E2F4: variants seen among roughly 807,000 people sequenced by gnomAD.
E2F4 encodes the protein E2F transcription factor 4.
A neutral mutation model predicts 44.5 loss-of-function variants in E2F4; 16 were observed. That is an observed-to-expected ratio of 0.36 (90% CI 0.24 to 0.55). The LOEUF (loss-of-function observed/expected upper bound fraction) is 0.55, where lower values mean the gene tolerates loss of function less well. Among genes scored for constraint, E2F4 ranks in the 20% least tolerant of loss-of-function variants. E2F4 has a pLI of 0.87. For missense variants in E2F4, 473 were observed against 522.1 expected (o/e 0.91, Z 0.92); for synonymous variants, 242 against 207.2 (o/e 1.17, Z -1.44).
At chr16:67,197,482 A>G (rs760789136) in intron 7 of E2F4, 117 bp from the exon 8 acceptor site, 10 of 1,044,020 alleles carry the variant, frequency 9.6e-6, no homozygotes, top group Non-Finnish European at 1.5e-5. Context: ...CAGGACCTAC[A>G]TCTCCTTAGC....
rs1567689111 is a variant in E2F4 at position 67,197,596 on chromosome 16, C to T, written c.1034-3C>T. 1 of 1,614,140 alleles carries T rather than the reference C, an allele frequency of 6.2e-7. No individual in the cohort carries two copies. The highest frequency in any genetic ancestry group is 2.2e-5 in the East Asian group (1 of 44,876). On this transcript the variant is annotated splice_region_variant and splice_polypyrimidine_tract_variant and intron_variant, in intron 7 of 9. Transcript: ENST00000379378. ...CCCTGAGCATGGCTTTCTTGTTTTT[C>T]AGTTTTGGAACTCCCCAAAGAGCTG...
chr16:67,198,530 C>T lies in E2F4; in HGVS notation c.*407C>T. The T allele has an allele frequency of 4.7e-6, 1 of 214,064 alleles. No homozygotes were observed. The highest frequency in any genetic ancestry group is 9.5e-6 in the Non-Finnish European group (1 of 105,054). 13.3% of individuals were successfully genotyped at this position (214,064 alleles called of 1,614,324 possible). On this transcript the variant is annotated 3_prime_UTR_variant, in exon 10 of 10. Transcript: ENST00000379378. ...GGGAAGGGTGGGGTGGAACTGGGCA[C>T]ATGCCAGCACCACTTCTAGCTTCCT...
chr16:67,197,107 G>A (rs944114455), intron 7 of E2F4, among the ~76,000 whole-genome samples: 24 of 152,168 alleles, frequency 1.6e-4, no homozygotes, highest in Non-Finnish European at 3.1e-4. Context: ...GAACTCCTGA[G>A]CCTGGCATGT....
intron 1 of E2F4, 57 bp downstream of exon 1, chr16:67,192,419 A>G: frequency 7.1e-7 from 1 of 1,403,106 alleles, no homozygotes; most frequent in Non-Finnish European, 9.3e-7. Context: ...CTGGGCCGGT[A>G]GCGGGAACCC....
intron 1 of E2F4, 77 bp downstream of exon 1, chr16:67,192,439 C>T (rs1003918281): frequency 2.2e-6 from 3 of 1,391,114 alleles, no homozygotes; most frequent in African/African-American, 2.9e-5. Context: ...CCGGGGGCGG[C>T]CCAGCTGGGT....
At chr16:67,196,611 T>C (rs1395644722) in intron 7 of E2F4, among the ~76,000 whole-genome samples, 1 of 152,226 alleles carries the variant, frequency 6.6e-6, no homozygotes, top group Non-Finnish European at 1.5e-5. Context: ...TGGAGAGGGC[T>C]GCAGCTCTGG....
intron 7 of E2F4, 134 bp downstream of exon 7, chr16:67,196,140 T>G: frequency 7.5e-7 from 1 of 1,340,944 alleles, no homozygotes; most frequent in East Asian, 2.3e-5. Flanking sequence ...TGCCAGCACC[T>G]CTGGGTCAGT....
chr16:67,196,042 T>TC (rs767025605), intron 7 of E2F4, 36 bp downstream of exon 7: 312 of 1,610,930 alleles, frequency 1.9e-4, no homozygotes, highest in Non-Finnish European at 2.6e-4. Flanking sequence ...AGAGAGAGAG[T>TC]CTAGCCTCAG....
rs2033009775 is a variant in E2F4, at chr16:67,198,335, C to G, written c.*212C>G. ...CAGGGGAACAGGACTCAGCCCCCAT[C>G]ACCGTGGAGCCAAAGTGTTTGCTTC... On this transcript the variant is annotated 3_prime_UTR_variant, in exon 10 of 10. Coordinates refer to ENST00000379378, the MANE Select transcript of E2F4 (RefSeq NM_001950.4). The G allele has an allele frequency of 3.5e-6, 2 of 569,026 alleles. No individual in the cohort carries two copies. Among genetic ancestry groups the G allele is most frequent in the African/African-American group, 3.8e-5 (2 of 53,232 alleles). 35.2% of individuals were successfully genotyped at this position (569,026 alleles called of 1,614,324 possible).
intron 6 of E2F4, among the ~76,000 whole-genome samples, chr16:67,195,283 C>T (rs1372762662): frequency 1.3e-5 from 2 of 152,286 alleles, no homozygotes; most frequent in Admixed American, 6.5e-5. Flanking sequence ...TACAGGCGCC[C>T]ACCATGCGCA....
chr16:67,192,850 C>G lies in E2F4; in HGVS notation c.225C>G (p.Ser75=), dbSNP rs986660251. ...LEGIGLIEKK[S]KNSIQWKGVG... Reference sequence around the variant, plus strand: ...GTATCGGGCTAATCGAGAAAAAGTCCAAGAACAGCATCCAGTGGAAGTGAG... The same window carrying G: ...GTATCGGGCTAATCGAGAAAAAGTCGAAGAACAGCATCCAGTGGAAGTGAG... The change falls in exon 2 of 10, where the codon TCC becomes TCG. Residue 75 remains serine (S), a synonymous_variant. Transcript: ENST00000379378. 1 of 1,611,912 alleles carries G rather than the reference C, an allele frequency of 6.2e-7. No homozygotes were observed. The highest frequency in any genetic ancestry group is 8.5e-7 in the Non-Finnish European group (1 of 1,178,984).
chr16:67,196,147 C>A, intron 7 of E2F4, 141 bp downstream of exon 7: 1 of 1,290,580 alleles, frequency 7.7e-7, no homozygotes, highest in Non-Finnish European at 1.1e-6. Flanking sequence ...ACCTCTGGGT[C>A]AGTGCTGGTG....
At chr16:67,197,533 GC>G (rs892029995) in intron 7 of E2F4, 65 bp from the exon 8 acceptor site, 1 of 1,568,024 alleles carries the variant, frequency 6.4e-7, no homozygotes, top group Non-Finnish European at 8.8e-7. Flanking sequence ...ATCCGAGGAA[GC>G]CAGGGGGCTG....
intron 2 of E2F4, 30 bp downstream of exon 2, chr16:67,192,900 G>C: frequency 6.3e-7 from 1 of 1,588,812 alleles, no homozygotes; most frequent in East Asian, 2.3e-5. Flanking sequence ...GGGTAGTAGA[G>C]TCTCCCACCC....
chr16:67,194,322 C>T (rs2032933074), intron 4 of E2F4, 76 bp from the exon 5 acceptor site: 1 of 1,522,848 alleles, frequency 6.6e-7, no homozygotes, highest in Non-Finnish European at 9.1e-7. Context: ...TCCTGCCTTG[C>T]TCCAAAAGGC....
intron 6 of E2F4, among the ~76,000 whole-genome samples, 197 bp downstream of exon 6, chr16:67,195,177 G>A (rs1413543280): frequency 9.2e-5 from 14 of 152,198 alleles, no homozygotes; most frequent in Non-Finnish European, 1.8e-4. Context: ...GTGTCCCCCA[G>A]GCTGGAGTGT....
At position 67,198,026 on chromosome 16, in the gene E2F4, G is replaced by A. The variant is rs367663947; in HGVS notation, c.1145G>A (p.Arg382His). Residue 382 changes from arginine (R) to histidine (H), a missense_variant, in exon 10 of 10, where the codon CGT becomes CAT. By Grantham distance (29) the Arg-to-His change is conservative (BLOSUM62 0). This residue lies in a region of E2F4 where 314 missense variants were observed against 315.6 expected (regional missense o/e 0.99). Coordinates refer to ENST00000379378, the MANE Select transcript of E2F4 (RefSeq NM_001950.4). ...TCTGCAGTGTTTGCCCCTCTGCTTC[G>A]TCTTTCTCCACCCCCGGGAGACCAC... ...MSSEVFAPLL[R>H]LSPPPGDHDY... 12 of 1,613,976 alleles carry A rather than the reference G, an allele frequency of 7.4e-6. 1 individual carries two copies. The highest frequency in any genetic ancestry group is 3.3e-4 in the Middle Eastern group (2 of 6,084).
intron 5 of E2F4, 24 bp downstream of exon 5, chr16:67,194,483 G>T (rs377657577): frequency 6.2e-7 from 1 of 1,613,032 alleles, no homozygotes. Flanking sequence ...CCAGGCAGGC[G>T]GGGTCAGCTG....
At position 67,194,840 on chromosome 16, in the gene E2F4, C is replaced by G. The variant is rs1289589508; in HGVS notation, c.668C>G (p.Ser223Cys). Reference protein sequence around the residue: ...EDLLQSPSAVSTPPPLPKPAL... With the variant: ...EDLLQSPSAVCTPPPLPKPAL... ...TTGCTCCAGAGCCCATCTGCTGTTT[C>G]TACACCTCCACCTCTGCCCAAGCCT... Residue 223 changes from serine to cysteine, a missense_variant, in exon 6 of 10, where the codon TCT becomes TGT. Coordinates refer to ENST00000379378, the MANE Select transcript of E2F4 (RefSeq NM_001950.4). 1 of 1,614,186 alleles carries G rather than the reference C, an allele frequency of 6.2e-7. No homozygotes were observed. The highest frequency in any genetic ancestry group is 8.5e-7 in the Non-Finnish European group (1 of 1,180,018).
Sources: gnomAD v4.1 joint callset for allele counts (sites outside exome capture counted in the v4.1 genomes callset) on GRCh38, gnomAD v4.1.1 for gene constraint, gnomAD v4.1.1 regional missense constraint, MANE v1.5 for transcripts, NCBI Gene and HGNC (gene_info 2026-07-23, HGNC 2026-07-21) for gene names.